Variants in RBFOX1 observed in about 807,000 individuals in gnomAD.
The protein encoded by RBFOX1 is RNA binding protein fox-1 homolog 1.
In RBFOX1, 8 loss-of-function variants were observed where a neutral mutation model predicts 57.7. That is an observed-to-expected ratio of 0.14 (90% CI 0.08 to 0.25). The LOEUF is 0.25. Ranked by LOEUF, RBFOX1 falls within the 10% of genes least tolerant of loss-of-function variation. The pLI is 1.00. For synonymous variants in RBFOX1, 326 were observed against 222.4 expected (o/e 1.47, Z -4.15); for missense variants, 611 against 548.5 (o/e 1.11, Z -1.14).
At chr16:5,592,603 A>T (rs889381188) in intron 2 of RBFOX1, among the ~76,000 whole-genome samples, 2 of 152,054 alleles carry the variant, frequency 1.3e-5, no homozygotes, top group African/African-American at 4.8e-5. Flanking sequence ...TTTAGTAGAG[A>T]TGGGGTTTCA....
intron 1 of RBFOX1, among the ~76,000 whole-genome samples, chr16:5,328,779 A>T (rs1432295655): frequency 1.3e-5 from 2 of 152,184 alleles, no homozygotes; most frequent in Non-Finnish European, 2.9e-5. Context: ...AAGCTCAGCC[A>T]ATCAGATTTT....
chr16:6,980,308 G>A (rs1492382), intron 3 of RBFOX1, among the ~76,000 whole-genome samples: 118,658 of 152,196 alleles, frequency 0.78, 46,560 homozygotes, highest in African/African-American at 0.87. Flanking sequence ...TAGTTCTTCC[G>A]TTAAATATTA....
chr16:7,466,152 C>T (rs1437836569), intron 4 of RBFOX1, among the ~76,000 whole-genome samples: 1 of 152,134 alleles, frequency 6.6e-6, no homozygotes, highest in African/African-American at 2.4e-5. Flanking sequence ...TCTGGGTCAG[C>T]AATAGGATTC....
At chr16:5,474,818 G>C (rs1439017035) in intron 2 of RBFOX1, among the ~76,000 whole-genome samples, 1 of 152,030 alleles carries the variant, frequency 6.6e-6, no homozygotes, top group African/African-American at 2.4e-5. Flanking sequence ...GTTTTTCTTG[G>C]TACTGGCCAA....
Position 7,572,832 on chromosome 16 carries a change from C to G in RBFOX1, c.271-6945C>G, listed in dbSNP as rs564719624. Among the ~76,000 whole-genome samples the G allele has an allele frequency of 3.3e-4, 25 of 74,826 alleles. No homozygotes were observed. In the South Asian group the frequency reaches 0.014, roughly 42 times the overall value. The allele number at this position is 74,826 out of a possible 152,430, so 49.1% of individuals were successfully genotyped here. On this transcript the variant is annotated intron_variant, in intron 5 of 15. Coordinates refer to ENST00000550418, the MANE Select transcript of RBFOX1 (RefSeq NM_018723.4). ...CCAGCCTGGGCAACAGAGTGAGAGT[C>G]TCTCTCAAATGAATAAATAAATAAA...
In RBFOX1 at chr16:6,576,129, T is replaced by C. The variant is rs183743590; in HGVS notation, c.-63-78474T>C. Among the ~76,000 whole-genome samples the C allele has an allele frequency of 2.6e-5, 4 of 152,286 alleles. No individual in the cohort carries two copies. The East Asian group carries it at 7.7e-4, about 30-fold the overall frequency. On this transcript the variant is annotated intron_variant, in intron 2 of 15. Transcript: ENST00000550418. ...GTGCACTTTTATGATTAGCATCTAC[T>C]TTATCAGTTTTTATTTGGCAGTCGT...
intron 4 of RBFOX1, among the ~76,000 whole-genome samples, chr16:7,338,960 C>T (rs774949888): frequency 1.3e-5 from 2 of 152,136 alleles, no homozygotes; most frequent in African/African-American, 4.8e-5. Flanking sequence ...ATGCTGGTGG[C>T]GTCATTTACT....
intron 1 of RBFOX1, among the ~76,000 whole-genome samples, chr16:5,412,016 G>A (rs906656522): frequency 2.3e-4 from 35 of 152,180 alleles, no homozygotes. Flanking sequence ...TTAGTTATGA[G>A]AGTCACGGGC....
At chr16:6,134,156 C>T (rs534737469) in intron 1 of RBFOX1, among the ~76,000 whole-genome samples, 81 of 151,988 alleles carry the variant, frequency 5.3e-4, no homozygotes, top group Non-Finnish European at 1.1e-3. Flanking sequence ...AGGCTGGTCT[C>T]GAACTCCTGA....
chr16:5,376,437 A>T (rs1011966919), intron 1 of RBFOX1, among the ~76,000 whole-genome samples: 3 of 151,988 alleles, frequency 2.0e-5, no homozygotes, highest in African/African-American at 7.3e-5. Context: ...TAGGGGAAGG[A>T]GCGGTGGGTG....
intron 2 of RBFOX1, among the ~76,000 whole-genome samples, chr16:5,506,083 C>A (rs780021570): frequency 1.4e-4 from 22 of 152,146 alleles, no homozygotes; most frequent in Admixed American, 5.9e-4. Flanking sequence ...GGAGCCCTTC[C>A]CTTGCCTTTG....
chr16:6,962,350 A>G (rs576149309), intron 3 of RBFOX1, among the ~76,000 whole-genome samples: 77 of 152,268 alleles, frequency 5.1e-4, no homozygotes, highest in Middle Eastern at 3.4e-3. Flanking sequence ...CAAAGATCCT[A>G]CACATTCATA....
chr16:7,476,761 G>A (rs925526091), intron 4 of RBFOX1, among the ~76,000 whole-genome samples: 1 of 152,160 alleles, frequency 6.6e-6, no homozygotes, highest in Non-Finnish European at 1.5e-5. Context: ...CACGAGACAA[G>A]GGGATGTCAG....
intron 4 of RBFOX1, among the ~76,000 whole-genome samples, chr16:7,186,241 T>TATAAAC (rs1274201966): frequency 2.4e-5 from 3 of 127,100 alleles, no homozygotes; most frequent in East Asian, 2.0e-4. Flanking sequence ...AACATATTTA[T>TATAAAC]ATAAACATAA....
chr16:5,870,385 A>AT (rs1359184862), intron 4 of RBFOX1, among the ~76,000 whole-genome samples: 1 of 150,332 alleles, frequency 6.7e-6, no homozygotes, highest in Non-Finnish European at 1.5e-5. Context: ...AAAAAAAAAA[A>AT]AAAAAAATGA....
chr16:5,664,800 C>G (rs895877649), intron 3 of RBFOX1, among the ~76,000 whole-genome samples: 5 of 152,126 alleles, frequency 3.3e-5, no homozygotes, highest in Admixed American at 6.6e-5. Context: ...TAATGCTGCT[C>G]CTAGTTTAAA....
chr16:6,933,162 C>G (rs1360459440), intron 3 of RBFOX1, among the ~76,000 whole-genome samples: 3 of 152,192 alleles, frequency 2.0e-5, no homozygotes, highest in Non-Finnish European at 2.9e-5. Context: ...CGCTTGGGTT[C>G]CTTCCACACT....
chr16:7,461,223 A>C (rs1182878706), intron 4 of RBFOX1, among the ~76,000 whole-genome samples: 2 of 151,822 alleles, frequency 1.3e-5, no homozygotes, highest in East Asian at 3.9e-4. Context: ...GCTGGAGTGC[A>C]GTGGCACTAT....
At chr16:5,999,801 T>C (rs9302814) in intron 4 of RBFOX1, among the ~76,000 whole-genome samples, 111,561 of 144,950 alleles carry the variant, frequency 0.77, 43,074 homozygotes, top group East Asian at 0.87. Context: ...GCGGAGCTTG[T>C]GGTGAGCAGA....
Sources: gnomAD v4.1 joint callset for allele counts (sites outside exome capture counted in the v4.1 genomes callset) on GRCh38, gnomAD v4.1.1 for gene constraint, MANE v1.5 for transcripts, NCBI Gene and HGNC (gene_info 2026-07-23, HGNC 2026-07-21) for gene names.